The following CSNK1G3 variants were observed in gnomAD, a reference collection of about 807,000 sequenced individuals.
The protein encoded by CSNK1G3 is casein kinase 1 gamma 3.
Under a neutral mutation model 64.3 loss-of-function variants are expected in CSNK1G3, and 23 were observed. The ratio of observed to expected loss-of-function variants is 0.36; its 90% confidence interval spans 0.26 to 0.51. The LOEUF (loss-of-function observed/expected upper bound fraction) is 0.51. Among genes scored for constraint, CSNK1G3 ranks in the 20% least tolerant of loss-of-function variants. The pLI, the probability that CSNK1G3 is intolerant of heterozygous loss-of-function variation, is 0.96. For synonymous variants in CSNK1G3, 158 were observed against 162.2 expected, an observed-to-expected ratio of 0.97 and a Z score of 0.20; for missense variants, 357 against 510.5, an observed-to-expected ratio of 0.70 and a Z score of 2.90.
intron 10 of CSNK1G3, among the ~76,000 whole-genome samples, chr5:123,595,862 G>A (rs531463957): frequency 3.3e-5 from 5 of 151,976 alleles, no homozygotes; most frequent in African/African-American, 7.2e-5. Context: ...AGATTGCTGA[G>A]TCTCGTATTG....
intron 4 of CSNK1G3, among the ~76,000 whole-genome samples, chr5:123,569,776 G>T (rs1787702869): frequency 1.4e-5 from 2 of 142,096 alleles, no homozygotes; most frequent in Non-Finnish European, 3.0e-5. Flanking sequence ...TTGCTTCGTT[G>T]TACTCTTGAA....
chr5:123,526,840 TTG>T (rs34275675), intron 1 of CSNK1G3, among the ~76,000 whole-genome samples: 4,447 of 126,678 alleles, frequency 0.035, 153 homozygotes, highest in Admixed American at 0.11. Context: ...CATGTACAGA[TTG>T]TGTGTGTGTG....
chr5:123,611,316 A>G (rs1240732163), intron 12 of CSNK1G3, among the ~76,000 whole-genome samples: 1 of 152,228 alleles, frequency 6.6e-6, no homozygotes, highest in African/African-American at 2.4e-5. Flanking sequence ...AGTAACTTTA[A>G]TAGCATGCCA....
chr5:123,552,870 G>A (rs1177281637), intron 2 of CSNK1G3: 1 of 269,440 alleles, frequency 3.7e-6, no homozygotes, highest in African/African-American at 2.2e-5. Flanking sequence ...TTTTATAAGT[G>A]GGCTACTAGT....
At chr5:123,575,702 C>G in intron 5 of CSNK1G3, 27 bp from the exon 6 acceptor site, 1 of 1,489,648 alleles carries the variant, frequency 6.7e-7, no homozygotes, top group Non-Finnish European at 9.3e-7. Context: ...CAAAATAAAA[C>G]TTCTCTTCTT....
At chr5:123,553,070 A>T (rs764062360) in intron 2 of CSNK1G3, 37 bp from the exon 3 acceptor site, 2 of 1,166,318 alleles carry the variant, frequency 1.7e-6, no homozygotes, top group African/African-American at 1.6e-5. Flanking sequence ...TTTAAAATCA[A>T]TTACTGGCAG....
intron 4 of CSNK1G3, among the ~76,000 whole-genome samples, chr5:123,570,262 C>T (rs1164493108): frequency 6.6e-6 from 1 of 151,644 alleles, no homozygotes; most frequent in African/African-American, 2.4e-5. Flanking sequence ...CTATCTTATT[C>T]AGAAGTCATT....
chr5:123,573,258 A>G, intron 4 of CSNK1G3, 135 bp from the exon 5 acceptor site: 1 of 900,794 alleles, frequency 1.1e-6, no homozygotes, highest in South Asian at 1.6e-5. Flanking sequence ...TTGGTCAGGA[A>G]AAGTATGTAT....
At chr5:123,515,109 T>G (rs1776916182) in intron 1 of CSNK1G3, among the ~76,000 whole-genome samples, 1 of 152,222 alleles carries the variant, frequency 6.6e-6, no homozygotes, top group South Asian at 2.1e-4. Flanking sequence ...TGTCTGGTAA[T>G]CTAGTAATTG....
chr5:123,603,506 A>G (rs1794837970), intron 10 of CSNK1G3, among the ~76,000 whole-genome samples: 1 of 152,088 alleles, frequency 6.6e-6, no homozygotes. Context: ...CTTAATTTTA[A>G]TGGAGGTAGG....
chr5:123,581,360 GTTTTTTTTT>G (rs10612602), intron 6 of CSNK1G3, among the ~76,000 whole-genome samples: 2 of 81,576 alleles, frequency 2.5e-5, no homozygotes, highest in African/African-American at 5.1e-5. Context: ...TTTTGGGTTT[GTTTTTTTTT>G]TTTTTTTTTT....
chr5:123,548,998 A>G (rs911470825), intron 2 of CSNK1G3, among the ~76,000 whole-genome samples: 3 of 152,254 alleles, frequency 2.0e-5, no homozygotes, highest in Admixed American at 1.3e-4. Flanking sequence ...CCTGCCCAGC[A>G]TAGAGAGATA....
At chr5:123,538,727 T>C (rs1398479861) in intron 1 of CSNK1G3, among the ~76,000 whole-genome samples, 6 of 152,208 alleles carry the variant, frequency 3.9e-5, no homozygotes, top group African/African-American at 1.4e-4. Context: ...ACTTAAAGTA[T>C]AATAATTTTT....
chr5:123,557,520 A>G (rs1329952403), exon 4 of CSNK1G3: 1 of 1,608,356 alleles, frequency 6.2e-7, no homozygotes, highest in African/African-American at 1.3e-5. Context: ...AGAGCACCAC[A>G]GCTACATTTG....
At position 123,586,493 on chromosome 5, in the gene CSNK1G3, T is replaced by G. The variant is rs555335731; in HGVS notation, c.674-1575T>G. Among the ~76,000 whole-genome samples the G allele has an allele frequency of 3.3e-5, 5 of 152,332 alleles. No homozygotes were observed. The East Asian group carries it at 9.6e-4, about 29-fold the overall frequency. On this transcript the variant is annotated intron_variant, in intron 6 of 12. Transcript: ENST00000345990. ...TGTAGATGGACTTTAAGGCCACTAC[T>G]TATTTTGGAAAATTTGCTATTTTTA...
chr5:123,592,398 C>T (rs1278733052), intron 10 of CSNK1G3, among the ~76,000 whole-genome samples: 3 of 151,804 alleles, frequency 2.0e-5, no homozygotes, highest in Non-Finnish European at 4.4e-5. Context: ...TGTTTCCTGG[C>T]CAGGTAAAGG....
At chr5:123,529,719 T>C (rs1424048686) in intron 1 of CSNK1G3, among the ~76,000 whole-genome samples, 1 of 152,174 alleles carries the variant, frequency 6.6e-6, no homozygotes, top group Non-Finnish European at 1.5e-5. Context: ...ATGGTGAATA[T>C]TTCGGTAATA....
chr5:123,556,150 C>A (rs1784583079), intron 3 of CSNK1G3, among the ~76,000 whole-genome samples: 1 of 151,994 alleles, frequency 6.6e-6, no homozygotes, highest in Admixed American at 6.6e-5. Flanking sequence ...AAGAACTAAG[C>A]TGATTGTTTT....
chr5:123,603,713 G>A (rs1391191417), intron 10 of CSNK1G3, among the ~76,000 whole-genome samples: 1 of 152,102 alleles, frequency 6.6e-6, no homozygotes, highest in African/African-American at 2.4e-5. Flanking sequence ...TGAGAAGTCA[G>A]CTAATAAGTA....
Sources: allele counts gnomAD v4.1 joint callset (sites outside exome capture counted in the v4.1 genomes callset), GRCh38; gene constraint gnomAD v4.1.1; transcripts MANE v1.5; gene names NCBI Gene and HGNC (gene_info 2026-07-23, HGNC 2026-07-21).